Variants in CATSPERT observed in about 807,000 individuals in gnomAD.
CATSPERT encodes the protein catsper channel auxiliary subunit tau, also known as cation channel sperm-associated targeting subunit tau.
chr2:201,497,837 TC>T, the CATSPERT span, among the ~76,000 whole-genome samples: 1 of 152,104 alleles, frequency 6.6e-6, no homozygotes, highest in Admixed American at 6.5e-5. Flanking sequence ...TACTCTCCTT[TC>T]TCCCAAGGTT....
the CATSPERT span, chr2:201,494,673 T>G: frequency 1.3e-6 from 2 of 1,536,156 alleles, no homozygotes; most frequent in African/African-American, 2.7e-5. Context: ...TATATTTGTA[T>G]ATATCTTGAT....
At chr2:201,487,579 T>A in the CATSPERT span, 1 of 1,578,466 alleles carries the variant, frequency 6.3e-7, no homozygotes, top group Non-Finnish European at 8.7e-7. Context: ...GAGTTAAACA[T>A]GTTTTATAAT....
the CATSPERT span, chr2:201,604,705 G>A: frequency 1.9e-6 from 3 of 1,571,684 alleles, no homozygotes; most frequent in African/African-American, 2.7e-5. Context: ...CATCTACAAT[G>A]TAAATAAATT....
At chr2:201,522,960 G>A in the CATSPERT span, among the ~76,000 whole-genome samples, 2 of 152,302 alleles carry the variant, frequency 1.3e-5, no homozygotes, top group East Asian at 1.9e-4. Flanking sequence ...AGCCTCAGAT[G>A]CCCAACCGGG....
the CATSPERT span, among the ~76,000 whole-genome samples, chr2:201,602,074 G>A: frequency 6.6e-6 from 1 of 151,974 alleles, no homozygotes; most frequent in South Asian, 2.1e-4. Context: ...GTAAAAGAAG[G>A]TTGATTCTTC....
chr2:201,581,094 T>C, the CATSPERT span, among the ~76,000 whole-genome samples: 1 of 152,254 alleles, frequency 6.6e-6, no homozygotes, highest in Non-Finnish European at 1.5e-5. Context: ...ACACGATAAA[T>C]ATATGCAACT....
At chr2:201,575,821 G>A in the CATSPERT span, among the ~76,000 whole-genome samples, 189 of 152,166 alleles carry the variant, frequency 1.2e-3, no homozygotes, top group African/African-American at 4.4e-3. Context: ...TAAATGTAAT[G>A]CACTTGAACC....
the CATSPERT span, among the ~76,000 whole-genome samples, chr2:201,504,861 A>G: frequency 6.6e-6 from 1 of 152,224 alleles, no homozygotes; most frequent in Admixed American, 6.5e-5. Flanking sequence ...AAGTGGACAC[A>G]AGTCAGAGAA....
At chr2:201,537,456 C>A in the CATSPERT span, 6 of 1,590,858 alleles carry the variant, frequency 3.8e-6, no homozygotes, top group Non-Finnish European at 5.1e-6. Flanking sequence ...GTAGTTTCAG[C>A]TTCCTCATTT....
At chr2:201,562,118 C>G in the CATSPERT span, among the ~76,000 whole-genome samples, 2 of 151,806 alleles carry the variant, frequency 1.3e-5, no homozygotes, top group East Asian at 3.9e-4. Context: ...CAGTAATTCT[C>G]TACCCCTGGA....
At chr2:201,587,499 C>T in the CATSPERT span, among the ~76,000 whole-genome samples, 1 of 152,132 alleles carries the variant, frequency 6.6e-6, no homozygotes, top group Non-Finnish European at 1.5e-5. Context: ...CTAAAGCTGG[C>T]ATTCTCTTGT....
chr2:201,560,470 A>G, the CATSPERT span, among the ~76,000 whole-genome samples: 2 of 40,112 alleles, frequency 5.0e-5, no homozygotes, highest in Admixed American at 6.7e-4. Flanking sequence ...AATAATAATA[A>G]CAACAACAAC....
At chr2:201,596,633 G>A in the CATSPERT span, among the ~76,000 whole-genome samples, 1 of 152,154 alleles carries the variant, frequency 6.6e-6, no homozygotes, top group Non-Finnish European at 1.5e-5. Flanking sequence ...TATAAATTGA[G>A]TGACAGTATC....
the CATSPERT span, among the ~76,000 whole-genome samples, chr2:201,544,544 C>CAG: frequency 4.9e-5 from 2 of 40,504 alleles, no homozygotes; most frequent in Admixed American, 6.9e-4. Flanking sequence ...CTTTCTTTTT[C>CAG]ACACACACAC....
At chr2:201,604,053 A>C in the CATSPERT span, among the ~76,000 whole-genome samples, 1 of 152,074 alleles carries the variant, frequency 6.6e-6, no homozygotes, top group Non-Finnish European at 1.5e-5. Flanking sequence ...GTAGATTCTC[A>C]TGTCTTGTTC....
the CATSPERT span, among the ~76,000 whole-genome samples, chr2:201,546,923 T>A: frequency 6.6e-6 from 1 of 152,112 alleles, no homozygotes; most frequent in African/African-American, 2.4e-5. Flanking sequence ...CATATCCAAA[T>A]AATAGAATGT....
At chr2:201,559,451 T>A in the CATSPERT span, among the ~76,000 whole-genome samples, 1 of 152,334 alleles carries the variant, frequency 6.6e-6, no homozygotes, top group East Asian at 1.9e-4. Context: ...CCCTGGCAGA[T>A]AGGATTCCAG....
the CATSPERT span, among the ~76,000 whole-genome samples, chr2:201,505,342 A>G: frequency 6.6e-6 from 1 of 152,214 alleles, no homozygotes; most frequent in Middle Eastern, 3.4e-3. Context: ...CGGCCTCCCA[A>G]AGTGCTGGGA....
the CATSPERT span, among the ~76,000 whole-genome samples, chr2:201,595,191 CTT>C: frequency 2.5e-3 from 274 of 111,714 alleles, no homozygotes; most frequent in East Asian, 4.4e-3. Flanking sequence ...AGTTTTCCTT[CTT>C]TTTTTTTTTT....
Sources: gnomAD v4.1 joint callset for allele counts (sites outside exome capture counted in the v4.1 genomes callset) on GRCh38, gnomAD v4.1.1 for gene constraint, MANE v1.5 for transcripts, NCBI Gene and HGNC (gene_info 2026-07-23, HGNC 2026-07-21) for gene names.